Variants in SPATC1 observed in about 807,000 individuals in gnomAD.
SPATC1 encodes speriolin.
SPATC1 carries 35 observed loss-of-function variants against 36.5 expected under a neutral mutation model. The observed-to-expected ratio is 0.96, with a 90% confidence interval of 0.73 to 1.27. The LOEUF (loss-of-function observed/expected upper bound fraction) is 1.27, where lower values mean the gene tolerates loss of function less well. SPATC1 is among the 50% of genes most tolerant of loss of function. The pLI is 0.00. For missense variants in SPATC1, 779 were observed against 796.0 expected, an observed-to-expected ratio of 0.98 and a Z score of 0.26; for synonymous variants, 361 against 353.6, an observed-to-expected ratio of 1.02 and a Z score of -0.24.
At chr8:144,022,633 C>T (rs1294215178) in intron 1 of SPATC1, among the ~76,000 whole-genome samples, 1 of 147,768 alleles carries the variant, frequency 6.8e-6, no homozygotes, top group Non-Finnish European at 1.5e-5. Flanking sequence ...AAGACCCTCC[C>T]ACTTCAGGTC....
intron 1 of SPATC1, among the ~76,000 whole-genome samples, chr8:144,029,770 A>G (rs940786200): frequency 6.6e-6 from 1 of 152,184 alleles, no homozygotes. Flanking sequence ...AGAATAATGT[A>G]TATTCTACTG....
chr8:144,035,546 C>T (rs1162271093), intron 1 of SPATC1, among the ~76,000 whole-genome samples: 1 of 152,234 alleles, frequency 6.6e-6, no homozygotes, highest in Non-Finnish European at 1.5e-5. Flanking sequence ...CTGTGAATTG[C>T]TCCCTCAGTT....
rs1484288728 is a variant in SPATC1, at chr8:144,033,862, G to T, written c.212-6047G>T. Reference sequence around the variant, plus strand: ...GCAGAGGCACAGGGACTTGGGAAAGGGGACCACATCACTATTCAGCACTGG... The same window carrying T: ...GCAGAGGCACAGGGACTTGGGAAAGTGGACCACATCACTATTCAGCACTGG... On this transcript the variant is annotated intron_variant, in intron 1 of 4. Coordinates refer to ENST00000377470, the MANE Select transcript of SPATC1 (RefSeq NM_198572.3). Among the ~76,000 whole-genome samples the T allele has an allele frequency of 2.6e-5, 4 of 152,278 alleles. No individual in the cohort carries two copies. The South Asian group carries it at 8.3e-4, about 32-fold the overall frequency.
At chr8:144,037,926 A>G (rs536378986) in intron 1 of SPATC1, among the ~76,000 whole-genome samples, 161 of 152,062 alleles carry the variant, frequency 1.1e-3, no homozygotes, top group East Asian at 6.8e-3. Flanking sequence ...TCAGGAGATC[A>G]AGACCATCCT....
intron 1 of SPATC1, among the ~76,000 whole-genome samples, chr8:144,021,270 C>CT (rs1834525794): frequency 3.4e-5 from 5 of 147,866 alleles, no homozygotes; most frequent in East Asian, 2.0e-4. Context: ...CTTCAGGACC[C>CT]CCTTCCCTCA....
At chr8:144,038,631 G>C (rs111563004) in intron 1 of SPATC1, among the ~76,000 whole-genome samples, 1 of 151,692 alleles carries the variant, frequency 6.6e-6, no homozygotes, top group African/African-American at 2.4e-5. Flanking sequence ...TGTGCCACCA[G>C]GCCCAGCTAA....
At chr8:144,013,986 T>A (rs1381612594) in intron 1 of SPATC1, among the ~76,000 whole-genome samples, 1 of 151,646 alleles carries the variant, frequency 6.6e-6, no homozygotes, top group African/African-American at 2.4e-5. Context: ...GTGCAGTGGC[T>A]CAGCCCATAA....
intron 1 of SPATC1, among the ~76,000 whole-genome samples, chr8:144,017,240 AATCTTTCTCT>A (rs1834412920): frequency 6.6e-6 from 1 of 152,162 alleles, no homozygotes; most frequent in Non-Finnish European, 1.5e-5. Flanking sequence ...TGCCTCAGAG[AATCTTTCTCT>A]GGCCACTTCC....
intron 1 of SPATC1, among the ~76,000 whole-genome samples, chr8:144,012,981 G>A (rs1251095305): frequency 6.6e-6 from 1 of 152,046 alleles, no homozygotes. Context: ...CTCCATCACA[G>A]GCCCTGTACC....
chr8:144,023,115 T>A (rs1834579893), intron 1 of SPATC1, among the ~76,000 whole-genome samples: 1 of 106,054 alleles, frequency 9.4e-6, no homozygotes, highest in Admixed American at 9.2e-5. Context: ...CAGGACTCCT[T>A]TCCCTCAGGA....
intron 1 of SPATC1, among the ~76,000 whole-genome samples, chr8:144,015,613 G>A (rs1339964552): frequency 5.4e-4 from 82 of 150,756 alleles, no homozygotes; most frequent in African/African-American, 1.6e-3. Context: ...GTGGTGGCAG[G>A]CGCCTGTAAT....
chr8:144,011,051 A>G (rs1554752477), upstream of SPATC1, among the ~76,000 whole-genome samples: 2 of 151,870 alleles, frequency 1.3e-5, no homozygotes, highest in Non-Finnish European at 2.9e-5. The surrounding 1 kb of genome is among the most constrained non-coding windows in gnomAD (Gnocchi z 4.5). Context: ...AATAGACGTG[A>G]TTAATAGCTA....
At chr8:144,029,714 G>C (rs1834756856) in intron 1 of SPATC1, among the ~76,000 whole-genome samples, 1 of 152,152 alleles carries the variant, frequency 6.6e-6, no homozygotes. Context: ...AAAACTTAGA[G>C]ACCTTTTTTT....
At chr8:144,032,125 AGGT>A (rs1834809936) in intron 1 of SPATC1, among the ~76,000 whole-genome samples, 1 of 151,934 alleles carries the variant, frequency 6.6e-6, no homozygotes, top group Admixed American at 6.6e-5. Context: ...GGTGTCCCAG[AGGT>A]CTCTTAGGCT....
chr8:144,040,534 CCTTT>C (rs1564278424), intron 2 of SPATC1, 30 bp from the exon 3 acceptor site: 1 of 1,563,272 alleles, frequency 6.4e-7, no homozygotes. Context: ...CTCTAATCCC[CCTTT>C]TTTTATTTCT....
chr8:144,017,911 C>T (rs1172924224), intron 1 of SPATC1, among the ~76,000 whole-genome samples: 2 of 152,164 alleles, frequency 1.3e-5, no homozygotes, highest in Non-Finnish European at 2.9e-5. Context: ...ACAACATCCA[C>T]GTGGAGTGTC....
intron 1 of SPATC1, among the ~76,000 whole-genome samples, chr8:144,034,483 T>C (rs1834859193): frequency 6.6e-6 from 1 of 152,122 alleles, no homozygotes. Flanking sequence ...GTGAAAATTT[T>C]AGAATGTACA....
chr8:144,028,734 T>C (rs1449084750), intron 1 of SPATC1, among the ~76,000 whole-genome samples: 2 of 152,340 alleles, frequency 1.3e-5, no homozygotes, highest in East Asian at 3.9e-4. Flanking sequence ...AATCATTCTA[T>C]TATGAAGAAT....
At chr8:144,024,288 C>T (rs1000037876) in intron 1 of SPATC1, among the ~76,000 whole-genome samples, 9 of 148,262 alleles carry the variant, frequency 6.1e-5, no homozygotes, top group Non-Finnish European at 1.2e-4. Context: ...CCCTCTCCCT[C>T]AAGACCCTCT....
Sources: gnomAD v4.1 joint callset for allele counts (sites outside exome capture counted in the v4.1 genomes callset) on GRCh38, gnomAD v4.1.1 for gene constraint, Gnocchi (gnomAD v3.1) non-coding constraint, MANE v1.5 for transcripts, NCBI Gene and HGNC (gene_info 2026-07-23, HGNC 2026-07-21) for gene names.